POU2F1: variants seen among roughly 807,000 people sequenced by gnomAD.
POU2F1 encodes POU domain, class 2, transcription factor 1.
Under a neutral mutation model 84.9 loss-of-function variants are expected in POU2F1, and 16 were observed. That is an observed-to-expected ratio of 0.19 (90% CI 0.13 to 0.29). The LOEUF is 0.29. POU2F1 is among the 10% of genes least tolerant of loss of function. The pLI is 1.00. For synonymous variants in POU2F1, 368 were observed against 368.3 expected, an observed-to-expected ratio of 1.00 and a Z score of 0.01; for missense variants, 738 against 942.6, an observed-to-expected ratio of 0.78 and a Z score of 2.84.
chr1:167,347,278 T>C (rs1351621285), intron 2 of POU2F1, among the ~76,000 whole-genome samples: 4 of 152,244 alleles, frequency 2.6e-5, no homozygotes, highest in Non-Finnish European at 5.9e-5. Context: ...TGTAGTATAG[T>C]ACTATCTCAA....
At chr1:167,311,842 G>T (rs183392783) in intron 1 of POU2F1, among the ~76,000 whole-genome samples, 1 of 149,628 alleles carries the variant, frequency 6.7e-6, no homozygotes, top group Admixed American at 6.7e-5. Context: ...TTGCTCTGTC[G>T]CCTAGGCTGG....
chr1:167,233,033 G>A (rs1347241644), intron 1 of POU2F1, among the ~76,000 whole-genome samples: 1 of 151,870 alleles, frequency 6.6e-6, no homozygotes, highest in African/African-American at 2.4e-5. Flanking sequence ...TTCCAGTCTT[G>A]CAAGCCCATT....
At chr1:167,351,711 T>C (rs1179682780) in intron 2 of POU2F1, among the ~76,000 whole-genome samples, 1 of 152,024 alleles carries the variant, frequency 6.6e-6, no homozygotes, top group Non-Finnish European at 1.5e-5. Flanking sequence ...GGCTGGATAT[T>C]TCATAATGAC....
chr1:167,412,992 TG>T (rs1557970522), intron 14 of POU2F1, 33 bp from the exon 15 acceptor site: 1 of 1,539,700 alleles, frequency 6.5e-7, no homozygotes, highest in Admixed American at 1.7e-5. Context: ...TGCGTCTGCA[TG>T]GTAATAAAGT....
intron 1 of POU2F1, among the ~76,000 whole-genome samples, chr1:167,257,433 C>T (rs527837384): frequency 6.6e-6 from 1 of 152,302 alleles, no homozygotes; most frequent in South Asian, 2.1e-4. Context: ...TACTATAATT[C>T]TTTCCCCAGA....
At chr1:167,311,520 C>T (rs1655468512) in intron 1 of POU2F1, among the ~76,000 whole-genome samples, 2 of 152,004 alleles carry the variant, frequency 1.3e-5, no homozygotes, top group Admixed American at 6.5e-5. Context: ...AACAATGTTT[C>T]AGTCAATGAT....
Position 167,426,364 on chromosome 1 carries a change from G to A in POU2F1, c.*10554G>A, listed in dbSNP as rs1440859636. 6.6e-6 allele frequency: 1 copy of A among 152,144 alleles called. No homozygotes were observed. The highest frequency in any genetic ancestry group is 6.5e-5 in the Admixed American group (1 of 15,274). 9.4% of individuals were successfully genotyped at this position (152,144 alleles called of 1,614,324 possible). On this transcript the variant is annotated 3_prime_UTR_variant, in exon 16 of 16. Transcript: ENST00000367866. ...AATAGTATTTTTGTATGTTTTGGGTGTGTCTATGTATGTATTAACATAACA... is the reference window on the plus strand; with the variant it reads ...AATAGTATTTTTGTATGTTTTGGGTATGTCTATGTATGTATTAACATAACA...
intron 1 of POU2F1, among the ~76,000 whole-genome samples, chr1:167,227,681 C>T (rs1431895188): frequency 1.3e-5 from 2 of 152,090 alleles, no homozygotes; most frequent in Non-Finnish European, 2.9e-5. Context: ...TGTACCTGGT[C>T]CTATGCCTGT....
chr1:167,249,585 G>A (rs1007264759), intron 1 of POU2F1, among the ~76,000 whole-genome samples: 1 of 152,182 alleles, frequency 6.6e-6, no homozygotes. Flanking sequence ...TGTGGTCTCA[G>A]TAGAATTTAG....
chr1:167,388,854 C>T (rs1053597457), intron 8 of POU2F1, among the ~76,000 whole-genome samples: 1 of 152,132 alleles, frequency 6.6e-6, no homozygotes, highest in African/African-American at 2.4e-5. Flanking sequence ...AGTATGTGTG[C>T]CTGTGCTTGC....
At chr1:167,252,188 T>C (rs2102406712) in intron 1 of POU2F1, among the ~76,000 whole-genome samples, 1 of 152,272 alleles carries the variant, frequency 6.6e-6, no homozygotes, top group South Asian at 2.1e-4. Context: ...ATTATTTAAA[T>C]CAAATGTATT....
At chr1:167,355,382 A>G (rs1658869034) in intron 2 of POU2F1, among the ~76,000 whole-genome samples, 1 of 152,184 alleles carries the variant, frequency 6.6e-6, no homozygotes, top group East Asian at 1.9e-4. Context: ...GTTGATCCCT[A>G]TGCTAATACC....
chr1:167,340,454 CAG>C (rs1015804052), intron 2 of POU2F1, among the ~76,000 whole-genome samples: 3 of 111,316 alleles, frequency 2.7e-5, no homozygotes, highest in African/African-American at 3.9e-5. Flanking sequence ...TTTTTGGAGA[CAG>C]AGTCTCACTC....
At chr1:167,259,359 G>A (rs934544109) in intron 1 of POU2F1, among the ~76,000 whole-genome samples, 10 of 152,212 alleles carry the variant, frequency 6.6e-5, no homozygotes, top group African/African-American at 2.4e-4. Context: ...TGGATACAGG[G>A]AAGGGAGTAA....
intron 10 of POU2F1, chr1:167,396,839 C>G (rs887771376): frequency 6.5e-6 from 1 of 154,196 alleles, no homozygotes; most frequent in Non-Finnish European, 1.4e-5. Context: ...TTTCAAATGA[C>G]CACACATTTC....
intron 8 of POU2F1, among the ~76,000 whole-genome samples, chr1:167,385,108 A>G (rs1647870257): frequency 6.6e-6 from 1 of 152,150 alleles, no homozygotes; most frequent in Non-Finnish European, 1.5e-5. Context: ...ACTTAGGGGT[A>G]AACAACAAAA....
intron 1 of POU2F1, among the ~76,000 whole-genome samples, chr1:167,265,632 C>A (rs1006180963): frequency 1.3e-5 from 2 of 152,124 alleles, no homozygotes; most frequent in African/African-American, 4.8e-5. Flanking sequence ...ATATATAGCT[C>A]ATTTGAGGAG....
At chr1:167,352,504 A>G (rs1186653341) in intron 2 of POU2F1, among the ~76,000 whole-genome samples, 1 of 152,214 alleles carries the variant, frequency 6.6e-6, no homozygotes, top group East Asian at 1.9e-4. Context: ...GTTTAGTAGA[A>G]AGGGCAATTG....
intron 1 of POU2F1, among the ~76,000 whole-genome samples, chr1:167,315,209 T>C (rs941275639): frequency 1.6e-4 from 24 of 152,208 alleles, no homozygotes; most frequent in African/African-American, 5.5e-4. Context: ...AATGGCCTAA[T>C]ACATACATAT....
Sources: allele counts gnomAD v4.1 joint callset (sites outside exome capture counted in the v4.1 genomes callset), GRCh38; gene constraint gnomAD v4.1.1; transcripts MANE v1.5; gene names NCBI Gene and HGNC (gene_info 2026-07-23, HGNC 2026-07-21).